The following CBR4 variants were observed in gnomAD, a reference collection of about 807,000 sequenced individuals.
CBR4 encodes the protein carbonyl reductase 4, also known as 3-oxoacyl-[acyl-carrier-protein] reductase.
Under a neutral mutation model 21.0 loss-of-function variants are expected in CBR4, and 22 were observed. The ratio of observed to expected loss-of-function variants is 1.05; its 90% confidence interval spans 0.75 to 1.50. The LOEUF (loss-of-function observed/expected upper bound fraction) is 1.50, where lower values mean the gene tolerates loss of function less well. Ranked by LOEUF, CBR4 falls within the 40% of genes most tolerant of loss-of-function variation. The pLI is 0.00. For synonymous variants in CBR4, 100 were observed against 104.4 expected (o/e 0.96, Z 0.26); for missense variants, 302 against 286.3 (o/e 1.05, Z -0.40).
At chr4:169,008,606 AC>A (rs990200377) in intron 1 of CBR4, among the ~76,000 whole-genome samples, 6 of 152,212 alleles carry the variant, frequency 3.9e-5, no homozygotes, top group African/African-American at 1.4e-4. Flanking sequence ...CTCATGGAAC[AC>A]GATTCAAAGG....
rs1370111132 is a variant in CBR4, at chr4:169,010,233, A to C, written c.-144T>G. ...GCAAAAAAAAATAACGCCGCTCGAC[A>C]CCTCCTGCAGCCGCACAATAGTAAT... On this transcript the variant is annotated 5_prime_UTR_variant, in exon 1 of 5. Transcript: ENST00000306193. 2.8e-6 allele frequency: 2 copies of C among 717,290 alleles called. No homozygotes were observed. Among genetic ancestry groups the C allele is most frequent in the Admixed American group, 6.7e-5 (2 of 30,056 alleles). The allele number at this position is 717,290 out of a possible 1,614,324, so 44.4% of individuals were successfully genotyped here. A position where few individuals can be genotyped will look rare whatever the true frequency, so the allele number is the denominator to read the frequency against.
intron 2 of CBR4, among the ~76,000 whole-genome samples, chr4:168,961,681 G>A (rs1324215058): frequency 2.0e-5 from 3 of 152,172 alleles, no homozygotes; most frequent in Non-Finnish European, 4.4e-5. Context: ...CCTGAGGTCA[G>A]GAGTTCGCGA....
In CBR4 at chr4:168,913,930, C is replaced by T. The variant is rs764242515; in HGVS notation, n.170-19165G>A. 7.5e-6 allele frequency: 12 copies of T among 1,604,012 alleles called. No homozygotes were observed. The highest frequency in any genetic ancestry group is 6.7e-5 in the African/African-American group (5 of 74,820). On this transcript the variant is annotated intron_variant and non_coding_transcript_variant, in intron 2 of 3. Transcript: ENST00000509108. ...TTATTTCCTGATATTTCTACAGGGC[C>T]GCATCAGTTGTACTGGACGGCTAAT... is the stretch of plus-strand genomic sequence containing the variant.
At chr4:169,006,912 T>C (rs776490587) in intron 2 of CBR4, 21 bp from the exon 3 acceptor site, 1 of 1,569,580 alleles carries the variant, frequency 6.4e-7, no homozygotes, top group South Asian at 1.1e-5. Flanking sequence ...AAACAGCATA[T>C]AATAGCATAT....
intron 2 of CBR4, among the ~76,000 whole-genome samples, chr4:168,972,940 G>A (rs1764254908): frequency 6.6e-6 from 1 of 152,116 alleles, no homozygotes. Flanking sequence ...ATTACCTTAA[G>A]GTATGTTCCT....
At chr4:168,993,167 G>A (rs1421174369) in intron 4 of CBR4, among the ~76,000 whole-genome samples, 1 of 150,502 alleles carries the variant, frequency 6.6e-6, no homozygotes, top group African/African-American at 2.4e-5. Flanking sequence ...TATCATGGGG[G>A]TTCTCGCTGT....
intron 4 of CBR4, among the ~76,000 whole-genome samples, chr4:168,996,251 T>A (rs915328260): frequency 1.3e-4 from 20 of 152,230 alleles, no homozygotes; most frequent in African/African-American, 4.8e-4. Context: ...TCTTTGATTA[T>A]GTTATTTTCT....
intron 2 of CBR4, among the ~76,000 whole-genome samples, chr4:168,961,358 T>A (rs1037621301): frequency 6.6e-6 from 1 of 152,202 alleles, no homozygotes; most frequent in Non-Finnish European, 1.5e-5. Context: ...AAGAGTTGTC[T>A]CAATATCTAT....
At chr4:168,950,952 C>T (rs28861136) in intron 2 of CBR4, among the ~76,000 whole-genome samples, 1,727 of 152,222 alleles carry the variant, frequency 0.011, 47 homozygotes, top group African/African-American at 0.039. Flanking sequence ...GCCTTTTTCC[C>T]CCGCTTTACT....
intron 2 of CBR4, among the ~76,000 whole-genome samples, chr4:168,943,998 G>A (rs912049416): frequency 6.6e-6 from 1 of 152,108 alleles, no homozygotes; most frequent in Non-Finnish European, 1.5e-5. Context: ...ATTGAACAGG[G>A]AGACTCTACA....
At chr4:168,985,644 T>C (rs1171428025), downstream of CBR4, among the ~76,000 whole-genome samples, 1 of 152,132 alleles carries the variant, frequency 6.6e-6, no homozygotes, top group Non-Finnish European at 1.5e-5. Context: ...TCCCCATCAA[T>C]AGTGGACTGG....
chr4:168,958,955 G>GTA (rs1228577795), intron 2 of CBR4, among the ~76,000 whole-genome samples: 1 of 151,992 alleles, frequency 6.6e-6, no homozygotes, highest in Non-Finnish European at 1.5e-5. Context: ...ATGTATATAT[G>GTA]TATATATATA....
intron 2 of CBR4, among the ~76,000 whole-genome samples, chr4:168,948,651 T>G (rs553170194): frequency 6.6e-6 from 1 of 152,310 alleles, no homozygotes; most frequent in African/African-American, 2.4e-5. Flanking sequence ...TTTTGTGTGC[T>G]TTGTCGAAGA....
At chr4:168,992,590 T>C (rs1397415166) in intron 4 of CBR4, among the ~76,000 whole-genome samples, 1 of 152,190 alleles carries the variant, frequency 6.6e-6, no homozygotes, top group African/African-American at 2.4e-5. Context: ...GTATAAAATG[T>C]AGGTTACAAA....
intron 4 of CBR4, among the ~76,000 whole-genome samples, chr4:168,991,756 A>T (rs1578994608): frequency 6.6e-6 from 1 of 152,202 alleles, no homozygotes; most frequent in Non-Finnish European, 1.5e-5. Flanking sequence ...TATATTACTC[A>T]ATCATTTGGG....
At chr4:168,996,295 T>C (rs1278930922) in intron 4 of CBR4, among the ~76,000 whole-genome samples, 1 of 152,190 alleles carries the variant, frequency 6.6e-6, no homozygotes, top group Non-Finnish European at 1.5e-5. Flanking sequence ...AGAGCCTCTC[T>C]TCATTTTCTG....
rs145060903 is a variant in CBR4 at position 168,950,592 on chromosome 4, A to G, written n.169+51479T>C. ...GATTGTTGGATGAAATGTTCTGTAT[A>G]TATCTATTAAGTCCATTTGTTCCAA... On this transcript the variant is annotated intron_variant and non_coding_transcript_variant, in intron 2 of 3. Transcript: ENST00000509108. Among the ~76,000 whole-genome samples, 733 of 152,312 alleles carry G rather than the reference A, an allele frequency of 4.8e-3. 7 individuals are homozygous for G. Among genetic ancestry groups the G allele is most frequent in the Admixed American group, 5.4e-3 (83 of 15,304 alleles).
chr4:168,968,524 G>A (rs1305882926), intron 2 of CBR4, among the ~76,000 whole-genome samples: 6 of 152,206 alleles, frequency 3.9e-5, no homozygotes, highest in African/African-American at 1.4e-4. Context: ...CTGAAAGAAT[G>A]CACTCTCCAT....
chr4:168,936,188 G>T (rs1453073843), intron 2 of CBR4, among the ~76,000 whole-genome samples: 1 of 152,176 alleles, frequency 6.6e-6, no homozygotes, highest in Non-Finnish European at 1.5e-5. Context: ...GCAGTAGAGG[G>T]CCCTGACTGT....
Sources: allele counts gnomAD v4.1 joint callset (sites outside exome capture counted in the v4.1 genomes callset), GRCh38; gene constraint gnomAD v4.1.1; transcripts MANE v1.5; gene names NCBI Gene and HGNC (gene_info 2026-07-23, HGNC 2026-07-21).